Variants in KRT7 observed in about 807,000 individuals in gnomAD.
KRT7 encodes the protein keratin, type II cytoskeletal 7.
Under a neutral mutation model 42.8 loss-of-function variants are expected in KRT7, and 50 were observed. That is an observed-to-expected ratio of 1.17 (90% CI 0.93 to 1.48). The LOEUF (loss-of-function observed/expected upper bound fraction) is 1.48. KRT7 is among the 40% of genes most tolerant of loss of function. The probability of loss-of-function intolerance (pLI) is 0.00; values close to 1 mark genes in which losing one functional copy is unlikely to be tolerated. For missense variants in KRT7, 588 were observed against 637.6 expected, an observed-to-expected ratio of 0.92 and a Z score of 0.84; for synonymous variants, 268 against 266.3, an observed-to-expected ratio of 1.01 and a Z score of -0.06.
At chr12:52,244,510 C>T (rs1011059045) in intron 6 of KRT7, 34 of 985,682 alleles carry the variant, frequency 3.4e-5, no homozygotes, top group East Asian at 1.1e-4. Flanking sequence ...GAGCTGTGGC[C>T]GAGGGGCAGA....
intron 6 of KRT7, among the ~76,000 whole-genome samples, chr12:52,243,897 C>A (rs1389315294): frequency 6.6e-6 from 1 of 152,280 alleles, no homozygotes; most frequent in Non-Finnish European, 1.5e-5. Context: ...CCCTGTCTGT[C>A]TGGTTCACTG....
chr12:52,234,101 T>C (rs1941968851), intron 1 of KRT7, among the ~76,000 whole-genome samples: 1 of 105,650 alleles, frequency 9.5e-6, no homozygotes, highest in Non-Finnish European at 1.8e-5. Flanking sequence ...TGCTGGAGAT[T>C]AGAGCGGCAG....
intron 6 of KRT7, chr12:52,245,075 CT>C: frequency 2.5e-6 from 1 of 396,994 alleles, no homozygotes; most frequent in South Asian, 3.4e-5. Context: ...TTATTAAGCA[CT>C]TGCTGTGTGC....
At position 52,245,629 on chromosome 12, in the gene KRT7, G is replaced by A; in HGVS notation, c.1202G>A (p.Ser401Asn). The stretch of plus-strand genomic sequence containing the variant: ...CGCAAGCTGCTGGAGGGCGAGGAGA[G>A]CCGGTGAGGACAAGGAACCTGGAAA... ...TYRKLLEGEE[S>N]RLAGDGVGAV... Residue 401 changes from serine (S) to asparagine (N), a missense_variant, in exon 7 of 9, where the codon AGC (serine) becomes AAC (asparagine). Physicochemically the swap from Ser to Asn is conservative, Grantham distance 46 (BLOSUM62 1). Transcript: ENST00000331817. 6.2e-7 allele frequency: 1 copy of A among 1,613,426 alleles called. No individual in the cohort carries two copies. The highest frequency in any genetic ancestry group is 8.5e-7 in the Non-Finnish European group (1 of 1,180,032).
At position 52,241,646 on chromosome 12, in the gene KRT7, C is replaced by T; in HGVS notation, c.858+10C>T. On this transcript the variant is annotated intron_variant, in intron 5 of 8. Transcript: ENST00000331817. ...CTGGTACCAGACCAAGGTGTGAGGC[C>T]ACCAGGGGCGTATTTCCTCCTGCCA... 1 of 1,599,500 alleles carries T rather than the reference C, an allele frequency of 6.3e-7. No homozygotes were observed. Among genetic ancestry groups the T allele is most frequent in the South Asian group, 1.1e-5 (1 of 89,176 alleles).
At chr12:52,248,532 G>T (rs1013426398) in intron 8 of KRT7, 59 bp from the exon 9 acceptor site, 13 of 1,489,464 alleles carry the variant, frequency 8.7e-6, no homozygotes, top group Non-Finnish European at 1.2e-5. Flanking sequence ...GCAGTGAAGG[G>T]ATGGGGTCCC....
chr12:52,250,626 C>G, downstream of KRT7: 2 of 908,674 alleles, frequency 2.2e-6, no homozygotes, highest in Non-Finnish European at 3.4e-6. Flanking sequence ...GACCCCGCCG[C>G]GAGAGCTGCT....
chr12:52,241,421 G>A (rs754030286), intron 4 of KRT7, 51 bp from the exon 5 acceptor site: 28 of 1,435,204 alleles, frequency 2.0e-5, no homozygotes, highest in East Asian at 1.5e-4. Context: ...CAGGGTGGGC[G>A]TGGGCATAGG....
intron 5 of KRT7, among the ~76,000 whole-genome samples, chr12:52,242,351 T>G (rs1017121446): frequency 6.6e-6 from 1 of 152,194 alleles, no homozygotes; most frequent in Non-Finnish European, 1.5e-5. Context: ...AGCTAGTAGA[T>G]GGAAGAGCAG....
downstream of KRT7, chr12:52,254,326 C>T: frequency 1.0e-6 from 1 of 963,654 alleles, no homozygotes; most frequent in South Asian, 1.3e-5. Flanking sequence ...CCACGTTGGC[C>T]TCTAGGTCTG....
intron 6 of KRT7, 48 bp from the exon 7 acceptor site, chr12:52,245,364 G>A (rs1312598128): frequency 1.9e-6 from 3 of 1,594,866 alleles, no homozygotes; most frequent in Middle Eastern, 1.9e-4. Context: ...GGGCAGGCAG[G>A]AAGGCAGACT....
chr12:52,254,421 T>A (rs1046629692), downstream of KRT7: 2 of 605,198 alleles, frequency 3.3e-6, no homozygotes, highest in Admixed American at 3.9e-5. Flanking sequence ...GAACCCTTGT[T>A]TTTTTCCTAC....
At position 52,245,432 on chromosome 12, in the gene KRT7, C is replaced by T; in HGVS notation, c.1005C>T (p.Ala335=). The change falls in exon 7 of 9, where the codon GCC becomes GCT. Residue 335 remains alanine, a synonymous_variant. Coordinates refer to ENST00000331817, the MANE Select transcript of KRT7 (RefSeq NM_005556.4). ...IKNQRAKLEA[A]IAEAEERGEL... ...CACAGCGTGCCAAGTTGGAGGCCGCCATTGCCGAGGCTGAGGAGCGTGGGG... is the reference window on the plus strand; with the variant it reads ...CACAGCGTGCCAAGTTGGAGGCCGCTATTGCCGAGGCTGAGGAGCGTGGGG... 2 of 1,613,904 alleles carry T rather than the reference C, an allele frequency of 1.2e-6. No homozygotes were observed. The highest frequency in any genetic ancestry group is 1.7e-6 in the Non-Finnish European group (2 of 1,179,990).
At position 52,235,190 on chromosome 12, in the gene KRT7, G is replaced by C. The variant is rs953593410; in HGVS notation, c.360G>C (p.Glu120Asp). 5 of 1,614,170 alleles carry C rather than the reference G, an allele frequency of 3.1e-6. No homozygotes were observed. Among genetic ancestry groups the C allele is most frequent in the Non-Finnish European group, 3.4e-6 (4 of 1,179,998 alleles). ...TGGAGCAGCAGAACAAGCTGCTGGA[G>C]ACCAAGTGGACGCTGCTGCAGGAGC... ...RFLEQQNKLL[E>D]TKWTLLQEQK... is the part of the protein sequence containing the mutation. Residue 120 changes from glutamate (E) to aspartate (D), a missense_variant, in exon 2 of 9, where the codon GAG (glutamate) becomes GAC (aspartate). Physicochemically the swap from Glu to Asp is conservative, Grantham distance 45 (BLOSUM62 2). Transcript: ENST00000331817.
At chr12:52,238,147 C>T (rs566933542) in intron 3 of KRT7, among the ~76,000 whole-genome samples, 66 of 152,216 alleles carry the variant, frequency 4.3e-4, no homozygotes, top group Admixed American at 1.2e-3. Context: ...GAGGCCTGTC[C>T]GTAGGAGTTT....
At chr12:52,253,071 T>C (rs1942290451), downstream of KRT7, 2 of 805,456 alleles carry the variant, frequency 2.5e-6, no homozygotes, top group East Asian at 5.3e-5. Context: ...TGGAGAACGT[T>C]TTCCATGGAG....
chr12:52,237,506 T>C lies in KRT7; in HGVS notation c.537-3T>C, dbSNP rs1219815778. On this transcript the variant is annotated splice_polypyrimidine_tract_variant and splice_region_variant and intron_variant, in intron 2 of 8. Coordinates refer to ENST00000331817, the MANE Select transcript of KRT7 (RefSeq NM_005556.4). ...ATCAACACCAGGCCCTCCTCTACTGTAGGTACGAAGATGAAATTAACCACC... is the reference window on the plus strand; with the variant it reads ...ATCAACACCAGGCCCTCCTCTACTGCAGGTACGAAGATGAAATTAACCACC... The C allele has an allele frequency of 6.2e-7, 1 of 1,609,030 alleles. No homozygotes were observed.
chr12:52,254,707 G>A (rs572332021), downstream of KRT7, among the ~76,000 whole-genome samples: 8 of 152,216 alleles, frequency 5.3e-5, no homozygotes, highest in South Asian at 6.2e-4. Flanking sequence ...ACCCCTCTCC[G>A]CTCTGGAATC....
At chr12:52,245,738 G>A (rs1190301647) in intron 7 of KRT7, 106 bp downstream of exon 7, 10 of 1,411,946 alleles carry the variant, frequency 7.1e-6, no homozygotes, top group Middle Eastern at 5.0e-4. Context: ...TCCTCTGCAG[G>A]GCACTGGGTG....
Sources: gnomAD v4.1 joint callset for allele counts (sites outside exome capture counted in the v4.1 genomes callset) on GRCh38, gnomAD v4.1.1 for gene constraint, MANE v1.5 for transcripts, NCBI Gene and HGNC (gene_info 2026-07-23, HGNC 2026-07-21) for gene names.